CLIC5: variants seen among roughly 807,000 people sequenced by gnomAD.
CLIC5 encodes the protein CLIC family member 5, also known as chloride intracellular channel protein 5.
Under a neutral mutation model 24.7 loss-of-function variants are expected in CLIC5, and 20 were observed. The ratio of observed to expected loss-of-function variants is 0.81; its 90% CI spans 0.57 to 1.18. CLIC5 has a LOEUF of 1.18. Ranked by LOEUF, CLIC5 falls within the 50% of genes most tolerant of loss-of-function variation. The pLI is 0.00. For synonymous variants in CLIC5, 159 were observed against 135.6 expected, an observed-to-expected ratio of 1.17 and a Z score of -1.20; for missense variants, 341 against 326.1, an observed-to-expected ratio of 1.05 and a Z score of -0.35.
At chr6:46,077,086 G>A (rs534719982) in intron 1 of CLIC5, among the ~76,000 whole-genome samples, 11 of 150,428 alleles carry the variant, frequency 7.3e-5, no homozygotes, top group South Asian at 2.1e-4. Context: ...GTGAAACTCC[G>A]TCCCAAAAAA....
At chr6:46,015,869 C>T (rs913083793), upstream of CLIC5, 3 of 1,067,922 alleles carry the variant, frequency 2.8e-6, no homozygotes, top group East Asian at 6.2e-5. Context: ...GCGATCCCGC[C>T]GCCGCCAACG....
chr6:45,922,855 G>GAGAGAGAGAGAGAGAGAGAGAGAA (rs1763326344), intron 4 of CLIC5, among the ~76,000 whole-genome samples: 1 of 151,922 alleles, frequency 6.6e-6, no homozygotes, highest in Admixed American at 6.6e-5. Context: ...GAGAGAGAGA[G>GAGAGAGAGAGAGAGAGAGAGAGAA]AGACTGACTG....
At chr6:46,009,137 T>G (rs931554663) in intron 1 of CLIC5, among the ~76,000 whole-genome samples, 7 of 151,752 alleles carry the variant, frequency 4.6e-5, no homozygotes, top group African/African-American at 1.7e-4. Context: ...CTACCCATGG[T>G]TTACCTCCAG....
chr6:45,922,816 A>AAGG (rs1763317487), intron 4 of CLIC5, among the ~76,000 whole-genome samples: 1 of 145,736 alleles, frequency 6.9e-6, no homozygotes, highest in Non-Finnish European at 1.5e-5. Context: ...GAAGAGAGAG[A>AAGG]GAGAGAAAGA....
chr6:45,943,677 A>C (rs577268875), intron 3 of CLIC5, among the ~76,000 whole-genome samples: 34 of 152,208 alleles, frequency 2.2e-4, no homozygotes, highest in Non-Finnish European at 4.3e-4. Context: ...GCTGTATCTC[A>C]TCAATTGGTC....
intron 1 of CLIC5, among the ~76,000 whole-genome samples, chr6:45,974,798 C>T (rs902459356): frequency 1.3e-5 from 2 of 151,792 alleles, no homozygotes; most frequent in Non-Finnish European, 2.9e-5. Context: ...TATATGTAAC[C>T]CCATCCCCAC....
At chr6:45,953,871 AAGAG>A (rs776627419) in intron 2 of CLIC5, among the ~76,000 whole-genome samples, 1 of 152,134 alleles carries the variant, frequency 6.6e-6, no homozygotes, top group African/African-American at 2.4e-5. Context: ...GAGAATGAAA[AAGAG>A]AGTTTGGAGG....
intron 4 of CLIC5, among the ~76,000 whole-genome samples, chr6:45,926,552 G>A (rs529677415): frequency 1.8e-4 from 28 of 151,972 alleles, no homozygotes; most frequent in South Asian, 2.1e-4. Flanking sequence ...CACCGCGCCC[G>A]GCCAGAGAAA....
chr6:46,037,499 T>C lies in CLIC5; in HGVS notation c.540+42204A>G, dbSNP rs116620863. 9.0e-3 allele frequency among the ~76,000 whole-genome samples: 1,373 copies of C among 152,348 alleles called. 22 individuals carry two copies. Among genetic ancestry groups the C allele is most frequent in the African/African-American group, 0.03 (1,233 of 41,578 alleles). On this transcript the variant is annotated intron_variant, in intron 1 of 5. Transcript: ENST00000185206. ...TTGCTGAACCAAGTTACCTTGAAACTTGATACATGTCACTTAAACTTCCTG... is the reference window on the plus strand; with the variant it reads ...TTGCTGAACCAAGTTACCTTGAAACCTGATACATGTCACTTAAACTTCCTG...
the CLIC5 span, among the ~76,000 whole-genome samples, chr6:46,105,665 T>C: frequency 6.6e-6 from 1 of 152,222 alleles, no homozygotes; most frequent in Non-Finnish European, 1.5e-5. Context: ...GTTTTCCTTG[T>C]GGAGTTTCAG....
intron 1 of CLIC5, among the ~76,000 whole-genome samples, chr6:46,065,259 A>T (rs1049589866): frequency 3.3e-5 from 5 of 152,116 alleles, no homozygotes; most frequent in African/African-American, 1.2e-4. Context: ...CTTCAAACTT[A>T]AAAAACTGGC....
At chr6:46,082,505 C>A (rs1003238548), upstream of CLIC5, among the ~76,000 whole-genome samples, 1 of 152,164 alleles carries the variant, frequency 6.6e-6, no homozygotes, top group Non-Finnish European at 1.5e-5. Context: ...AATCCACAAC[C>A]ACTCTCCTAT....
intron 5 of CLIC5, among the ~76,000 whole-genome samples, chr6:45,913,130 G>C (rs553550688): frequency 2.0e-5 from 3 of 152,344 alleles, no homozygotes; most frequent in South Asian, 2.1e-4. Flanking sequence ...CTTACACCAG[G>C]TGATCAAATG....
At chr6:46,024,604 A>T (rs1767279214) in intron 1 of CLIC5, among the ~76,000 whole-genome samples, 1 of 152,156 alleles carries the variant, frequency 6.6e-6, no homozygotes, top group African/African-American at 2.4e-5. Context: ...AGTGCCTGAA[A>T]CTTGATACCA....
intron 6 of CLIC5, among the ~76,000 whole-genome samples, chr6:45,889,086 C>G (rs1254540188): frequency 6.6e-6 from 1 of 152,114 alleles, no homozygotes; most frequent in Non-Finnish European, 1.5e-5. Flanking sequence ...ATCCGTCAGT[C>G]TGTTAGGGCT....
At chr6:45,972,657 C>T (rs1765239281) in intron 1 of CLIC5, among the ~76,000 whole-genome samples, 1 of 152,198 alleles carries the variant, frequency 6.6e-6, no homozygotes, top group South Asian at 2.1e-4. Flanking sequence ...CAGCCCCATA[C>T]TTACTGAATC....
At chr6:45,947,093 G>A (rs974678189) in intron 3 of CLIC5, among the ~76,000 whole-genome samples, 1 of 152,188 alleles carries the variant, frequency 6.6e-6, no homozygotes, top group Non-Finnish European at 1.5e-5. Context: ...TTTGGATCAT[G>A]GAAACTTAGA....
chr6:46,080,075 AT>A lies in CLIC5; in HGVS notation c.167del (p.Tyr56LeufsTer75). On this transcript the variant is annotated frameshift_variant, in exon 1 of 6. Transcript: ENST00000185206. LOFTEE classifies it high-confidence loss of function. Reference sequence around the variant, plus strand: ...TAATGGTATAGACTGACACAAAATCATACTCATGGGTATTCAGCTGAGTGGC... The same window carrying A: ...TAATGGTATAGACTGACACAAAATCAACTCATGGGTATTCAGCTGAGTGGC... The A allele has an allele frequency of 6.4e-7, 1 of 1,551,656 alleles. No individual in the cohort carries two copies. Among genetic ancestry groups the A allele is most frequent in the Non-Finnish European group, 8.7e-7 (1 of 1,146,986 alleles).
rs757760417 is a variant in CLIC5 at position 45,955,252 on chromosome 6, G to T, written c.64-8C>A. 100 of 1,609,458 alleles carry T rather than the reference G, an allele frequency of 6.2e-5. No individual in the cohort carries two copies. ...TTCTCCATCGATTCCAGCCTGGAAAGAAGAGAACCAGTGTCCTGAGTGGGC... is the reference window on the plus strand; with the variant it reads ...TTCTCCATCGATTCCAGCCTGGAAATAAGAGAACCAGTGTCCTGAGTGGGC... On this transcript the variant is annotated splice_polypyrimidine_tract_variant and splice_region_variant and intron_variant, in intron 1 of 5. Transcript: ENST00000339561.
Sources: gnomAD v4.1 joint callset for allele counts (sites outside exome capture counted in the v4.1 genomes callset) on GRCh38, gnomAD v4.1.1 for gene constraint, MANE v1.5 for transcripts, NCBI Gene and HGNC (gene_info 2026-07-23, HGNC 2026-07-21) for gene names.